NRG1: variants seen among roughly 807,000 people sequenced by gnomAD.
NRG1 encodes the protein neuregulin 1, also known as pro-neuregulin-1, membrane-bound isoform.
In NRG1, 18 loss-of-function variants were observed where a neutral mutation model predicts 63.8. That is an observed-to-expected ratio of 0.28 (90% CI 0.19 to 0.42). The LOEUF is 0.42. Among genes scored for constraint, NRG1 ranks in the 10% least tolerant of loss-of-function variants. The pLI, the probability that NRG1 is intolerant of heterozygous loss-of-function variation, is 1.00. For missense variants in NRG1, 762 were observed against 814.7 expected, an observed-to-expected ratio of 0.94 and a Z score of 0.79; for synonymous variants, 302 against 301.3, an observed-to-expected ratio of 1.00 and a Z score of -0.02.
rs1025456568 is a variant in NRG1, at chr8:32,296,443, G to A, written c.38-299385G>A. Among the ~76,000 whole-genome samples the A allele has an allele frequency of 2.6e-5, 4 of 151,776 alleles. No individual in the cohort carries two copies. The East Asian group carries it at 5.9e-4, about 23-fold the overall frequency. ...ATCCTGGCCAAACTAGTGAAACCTC[G>A]TCTCTACTGAAAATACAAAAATTAG... On this transcript the variant is annotated intron_variant, in intron 1 of 10. Coordinates refer to the NRG1 transcript ENST00000519301.
intron 2 of NRG1, among the ~76,000 whole-genome samples, chr8:32,604,294 G>T (rs1844880750): frequency 6.6e-6 from 1 of 152,168 alleles, no homozygotes; most frequent in African/African-American, 2.4e-5. Context: ...AGATCAGGGG[G>T]TCTACATGTG....
chr8:31,716,809 G>T (rs995557737), intron 1 of NRG1, among the ~76,000 whole-genome samples: 3 of 152,094 alleles, frequency 2.0e-5, no homozygotes, highest in Admixed American at 6.5e-5. Flanking sequence ...AAACAGTAAC[G>T]CTATCAGAGA....
At chr8:32,077,916 T>A (rs1260852512) in intron 1 of NRG1, among the ~76,000 whole-genome samples, 1 of 152,154 alleles carries the variant, frequency 6.6e-6, no homozygotes, top group Non-Finnish European at 1.5e-5. Context: ...CCTTGGGCTC[T>A]CCATCAGAGA....
At chr8:32,240,415 G>A (rs79698084) in intron 1 of NRG1, among the ~76,000 whole-genome samples, 3,530 of 152,180 alleles carry the variant, frequency 0.023, 144 homozygotes, top group African/African-American at 0.079. Flanking sequence ...GAGGAGGGAG[G>A]GAGGTGTGTG....
chr8:32,138,616 G>A (rs546055645), intron 1 of NRG1, among the ~76,000 whole-genome samples: 3 of 151,974 alleles, frequency 2.0e-5, no homozygotes, highest in Admixed American at 6.6e-5. Context: ...ACTGGAGTGC[G>A]CAGTGGTGCA....
At chr8:32,553,651 A>T (rs189829486) in intron 1 of NRG1, among the ~76,000 whole-genome samples, 1 of 152,318 alleles carries the variant, frequency 6.6e-6, no homozygotes, top group African/African-American at 2.4e-5. Flanking sequence ...GTTGATGCTT[A>T]AACCTCACTT....
chr8:31,688,176 CTTG>C (rs1809104073), intron 1 of NRG1, among the ~76,000 whole-genome samples: 1 of 152,198 alleles, frequency 6.6e-6, no homozygotes, highest in South Asian at 2.1e-4. Context: ...TATGTGTGCT[CTTG>C]TTTGAATGTT....
intron 1 of NRG1, among the ~76,000 whole-genome samples, chr8:32,563,487 A>G (rs1836846693): frequency 6.6e-6 from 1 of 152,210 alleles, no homozygotes; most frequent in African/African-American, 2.4e-5. Flanking sequence ...ACTAGTGCAG[A>G]AGCCTTTTAT....
Position 32,701,387 on chromosome 8 carries a change from C to T in NRG1, c.503-26562C>T, listed in dbSNP as rs150477502. On this transcript the variant is annotated intron_variant, in intron 5 of 11. Coordinates refer to ENST00000356819, the Ensembl canonical transcript of NRG1. ...CAAGACACAAGAATGCAAGAAATGA[C>T]GACTTGCCAGTAAATGCCCAGTTTT... is the stretch of plus-strand genomic sequence containing the variant. Among the ~76,000 whole-genome samples the T allele has an allele frequency of 1.4e-3, 209 of 152,170 alleles. 1 individual carries two copies. The highest frequency in any genetic ancestry group is 4.8e-3 in the African/African-American group (198 of 41,510).
At chr8:32,638,567 A>G (rs541722186) in intron 5 of NRG1, among the ~76,000 whole-genome samples, 4 of 152,208 alleles carry the variant, frequency 2.6e-5, no homozygotes, top group South Asian at 2.1e-4. Context: ...GCCTCAGGCA[A>G]TCCTCCTGCC....
chr8:32,391,895 C>T (rs1309120778), intron 1 of NRG1, among the ~76,000 whole-genome samples: 1 of 152,128 alleles, frequency 6.6e-6, no homozygotes, highest in East Asian at 1.9e-4. Context: ...AAGGATAATT[C>T]AGTCAACTTA....
At chr8:31,712,956 A>G (rs1319798206) in intron 1 of NRG1, among the ~76,000 whole-genome samples, 3 of 151,150 alleles carry the variant, frequency 2.0e-5, no homozygotes, top group Non-Finnish European at 2.9e-5. Flanking sequence ...CAATCAATCA[A>G]TCAGTCATCT....
At chr8:31,784,595 C>T (rs1014777915) in intron 1 of NRG1, among the ~76,000 whole-genome samples, 7 of 152,098 alleles carry the variant, frequency 4.6e-5, no homozygotes, top group Admixed American at 6.5e-5. Context: ...AATAACGTAA[C>T]AACAGATACT....
intron 1 of NRG1, among the ~76,000 whole-genome samples, chr8:32,447,939 T>C (rs1217434466): frequency 6.6e-6 from 1 of 152,296 alleles, no homozygotes; most frequent in Non-Finnish European, 1.5e-5. Context: ...TAACTCCTTA[T>C]GATAATTTTT....
At chr8:31,996,775 A>T (rs1208071749) in intron 1 of NRG1, among the ~76,000 whole-genome samples, 1 of 151,928 alleles carries the variant, frequency 6.6e-6, no homozygotes, top group African/African-American at 2.4e-5. Context: ...AGCCTAAATG[A>T]AAAATATATA....
chr8:32,280,576 G>A (rs1049708939), intron 1 of NRG1, among the ~76,000 whole-genome samples: 3 of 151,862 alleles, frequency 2.0e-5, no homozygotes, highest in African/African-American at 7.3e-5. Flanking sequence ...CGTAGAGGGA[G>A]AGTAGTTATT....
intron 1 of NRG1, among the ~76,000 whole-genome samples, chr8:31,843,750 A>G (rs1015821285): frequency 3.3e-5 from 5 of 152,184 alleles, no homozygotes; most frequent in African/African-American, 1.2e-4. Context: ...ATACTTTGTG[A>G]TCTACATAGT....
intron 1 of NRG1, among the ~76,000 whole-genome samples, chr8:32,042,629 A>G (rs895562955): frequency 1.3e-4 from 20 of 152,268 alleles, no homozygotes; most frequent in African/African-American, 4.8e-4. Context: ...GCTGTTATTA[A>G]AATGTTCCAA....
intron 1 of NRG1, among the ~76,000 whole-genome samples, chr8:31,729,280 A>C (rs912410184): frequency 2.0e-5 from 3 of 151,890 alleles, no homozygotes; most frequent in African/African-American, 7.3e-5. Context: ...CAGGAAGGTC[A>C]TGTCAAAATT....
Sources: gnomAD v4.1 joint callset for allele counts (sites outside exome capture counted in the v4.1 genomes callset) on GRCh38, gnomAD v4.1.1 for gene constraint, MANE v1.5 for transcripts, NCBI Gene and HGNC (gene_info 2026-07-23, HGNC 2026-07-21) for gene names.